JAG2: variants seen among roughly 807,000 people sequenced by gnomAD.
The protein encoded by JAG2 is protein jagged-2.
JAG2 carries 46 observed loss-of-function variants against 141.7 expected under a neutral mutation model. The ratio of observed to expected loss-of-function variants is 0.32; its 90% CI spans 0.26 to 0.42. The LOEUF is 0.42. Among genes scored for constraint, JAG2 ranks in the 10% least tolerant of loss-of-function variants. The probability of loss-of-function intolerance (pLI) is 1.00; values close to 1 mark genes in which losing one functional copy is unlikely to be tolerated. For missense variants in JAG2, 1,500 were observed against 1,817.5 expected (o/e 0.83, Z 3.18); for synonymous variants, 862 against 763.5 (o/e 1.13, Z -2.13).
Position 105,167,606 on chromosome 14 carries a change from A to T in JAG2, c.417+151T>A. 1 of 891,542 alleles carries T rather than the reference A, an allele frequency of 1.1e-6. No homozygotes were observed. The highest frequency in any genetic ancestry group is 1.4e-6 in the Non-Finnish European group (1 of 713,074). 55.2% of individuals were successfully genotyped at this position (891,542 alleles called of 1,614,324 possible). ...GTGGCCAGGCGCGGACCAAGTCCCCAGAGCACGCGCCCCCTGCCGGCCCCG... is the reference window on the plus strand; with the variant it reads ...GTGGCCAGGCGCGGACCAAGTCCCCTGAGCACGCGCCCCCTGCCGGCCCCG... On this transcript the variant is annotated intron_variant, in intron 2 of 25. Coordinates refer to ENST00000331782, the MANE Select transcript of JAG2 (RefSeq NM_002226.5). This position sits in a 1 kb window ranked among gnomAD's most constrained non-coding sequence, Gnocchi z 4.8.
At chr14:105,164,824 A>G (rs1490702361) in intron 2 of JAG2, among the ~76,000 whole-genome samples, 1 of 152,176 alleles carries the variant, frequency 6.6e-6, no homozygotes, top group African/African-American at 2.4e-5. Context: ...GAGACCTGCA[A>G]TGAAAAAGCG....
chr14:105,144,856 G>T, intron 24 of JAG2, 74 bp downstream of exon 24: 1 of 1,555,200 alleles, frequency 6.4e-7, no homozygotes, highest in Non-Finnish European at 8.7e-7. Flanking sequence ...CAGAGCCTCT[G>T]TCCAGCATAG....
intron 12 of JAG2, among the ~76,000 whole-genome samples, chr14:105,149,521 C>T (rs1888346211): frequency 6.6e-6 from 1 of 151,966 alleles, no homozygotes; most frequent in Non-Finnish European, 1.5e-5. Context: ...CCTGTGGGCC[C>T]CCACCCCCAC....
At position 105,155,476 on chromosome 14, in the gene JAG2, C is replaced by T. The variant is rs1310026830; in HGVS notation, c.788+86G>A. 1.0e-5 allele frequency: 15 copies of T among 1,495,540 alleles called. No homozygotes were observed. The South Asian group carries it at 1.0e-4, about 10-fold the overall frequency. The allele number at this position is 1,495,540 out of a possible 1,614,324, so 92.6% of individuals were successfully genotyped here. A position where few individuals can be genotyped will look rare whatever the true frequency, so the allele number is the denominator to read the frequency against. ...TGCCCAACCTCCAGCCAGCTCCGGG[C>T]GACTCCTGACAGCAAGGCTGTGTGT... On this transcript the variant is annotated intron_variant, in intron 5 of 25. Coordinates refer to ENST00000331782, the MANE Select transcript of JAG2 (RefSeq NM_002226.5).
chr14:105,168,430 G>A lies in JAG2; in HGVS notation c.-10C>T, dbSNP rs918497372. 10 of 862,460 alleles carry A rather than the reference G, an allele frequency of 1.2e-5. No homozygotes were observed. Among genetic ancestry groups the A allele is most frequent in the African/African-American group, 3.7e-5 (2 of 54,064 alleles). 53.4% of individuals were successfully genotyped at this position (862,460 alleles called of 1,614,324 possible). A position where few individuals can be genotyped will look rare whatever the true frequency, so the allele number is the denominator to read the frequency against. On this transcript the variant is annotated 5_prime_UTR_variant, in exon 1 of 26. Transcript: ENST00000331782. ...GGCCCTGCGCCCGCATTGCCCCCGC[G>A]ACCCGCCCGCCCGGCCCCGCCGCCG...
rs777506869 is a variant in JAG2, at chr14:105,142,985, C to T, written c.3427G>A (p.Gly1143Ser). 1.2e-6 allele frequency: 2 copies of T among 1,609,602 alleles called. No individual in the cohort carries two copies. Among genetic ancestry groups the T allele is most frequent in the African/African-American group, 1.3e-5 (1 of 75,034 alleles). The change falls in exon 26 of 26, where the codon GGC becomes AGC. Residue 1143 changes from glycine (G) to serine (S), a missense_variant. Transcript: ENST00000331782. The stretch of plus-strand genomic sequence containing the variant: ...CACTGGTAGAGCACGTCCTTGTGGC[C>T]CCCCGGCCGCTCAATGGGGTTGCGG... ...PIRNPIERPG[G>S]HKDVLYQCKN...
rs186073180 is a variant in JAG2, at chr14:105,167,178, G to A, written c.417+579C>T. On this transcript the variant is annotated intron_variant, in intron 2 of 25. Coordinates refer to ENST00000331782, the MANE Select transcript of JAG2 (RefSeq NM_002226.5). The surrounding 1 kb of genome is among the most constrained non-coding windows in gnomAD (Gnocchi z 4.8). ...CCACAAACAGGGCAGTGCCACAGAA[G>A]GTCACTGCACCAGGATCCACTATCT... Among the ~76,000 whole-genome samples, 1,154 of 152,322 alleles carry A rather than the reference G, an allele frequency of 7.6e-3. 14 individuals are homozygous for A. The highest frequency in any genetic ancestry group is 0.026 in the African/African-American group (1,066 of 41,578).
intron 1 of JAG2, 82 bp from the exon 2 acceptor site, chr14:105,168,189 C>T: frequency 1.2e-5 from 14 of 1,197,332 alleles, no homozygotes; most frequent in Non-Finnish European, 1.5e-5. Flanking sequence ...GGAACAGGCC[C>T]CGCCGCCCCG....
At chr14:105,148,711 C>T (rs1217829689) in intron 15 of JAG2, 34 bp downstream of exon 15, 1 of 1,515,264 alleles carries the variant, frequency 6.6e-7, no homozygotes. Context: ...GGGGTGGAGG[C>T]ACAGGCCGTG....
intron 3 of JAG2, among the ~76,000 whole-genome samples, chr14:105,157,073 A>C: frequency 6.6e-6 from 1 of 151,804 alleles, no homozygotes; most frequent in East Asian, 1.9e-4. Flanking sequence ...AGTCACCCTG[A>C]CACGCCCAGA....
Position 105,151,759 on chromosome 14 carries a change from G to A in JAG2, c.1040-20C>T. ...GCTCAGCTGTAGAACCGCGGGGAGG[G>A]GGCAGAGCTGGCAGCCAGGCCCCCA... On this transcript the variant is annotated intron_variant, in intron 7 of 25. Coordinates refer to ENST00000331782, the MANE Select transcript of JAG2 (RefSeq NM_002226.5). 1 of 1,603,302 alleles carries A rather than the reference G, an allele frequency of 6.2e-7. No individual in the cohort carries two copies. The highest frequency in any genetic ancestry group is 8.5e-7 in the Non-Finnish European group (1 of 1,174,302).
At chr14:105,163,437 A>T (rs1888816189) in intron 2 of JAG2, among the ~76,000 whole-genome samples, 3 of 152,096 alleles carry the variant, frequency 2.0e-5, no homozygotes, top group Admixed American at 2.0e-4. Flanking sequence ...CAGGTCCCCC[A>T]CCGTGAAGAC....
intron 17 of JAG2, 49 bp from the exon 18 acceptor site, chr14:105,147,937 C>T (rs1388792975): frequency 7.0e-6 from 10 of 1,428,240 alleles, no homozygotes; most frequent in Non-Finnish European, 9.6e-6. Flanking sequence ...CCTGGGCTGG[C>T]CCTGGGTCTC....
At chr14:105,143,724 CTG>C in intron 24 of JAG2, 86 bp from the exon 25 acceptor site, 1 of 1,537,350 alleles carries the variant, frequency 6.5e-7, no homozygotes. Context: ...CCTGGCCACA[CTG>C]GAGCAAGGTG....
intron 17 of JAG2, 109 bp downstream of exon 17, chr14:105,148,007 G>A: frequency 9.1e-7 from 1 of 1,098,004 alleles, no homozygotes; most frequent in Non-Finnish European, 1.3e-6. Flanking sequence ...GCAGGGGGCA[G>A]GTGGCAGGTG....
chr14:105,162,704 T>A (rs949239946), intron 2 of JAG2, among the ~76,000 whole-genome samples: 2 of 33,484 alleles, frequency 6.0e-5, no homozygotes, highest in Non-Finnish European at 1.3e-4. Context: ...AAGTACAGAG[T>A]ACCCTCCTGC....
At chr14:105,146,915 C>T (rs1888242136) in intron 20 of JAG2, 191 bp from the exon 21 acceptor site, 5 of 667,506 alleles carry the variant, frequency 7.5e-6, no homozygotes, top group Non-Finnish European at 1.4e-5. Context: ...CCTGGCCCAA[C>T]AGCACCCTCC....
chr14:105,148,585 T>C (rs988664264), intron 15 of JAG2, 146 bp from the exon 16 acceptor site: 9 of 868,534 alleles, frequency 1.0e-5, no homozygotes, highest in Non-Finnish European at 1.2e-5. Context: ...GCCTCGGGCA[T>C]GGGGGCAGCC....
Position 105,168,367 on chromosome 14 carries a change from C to A in JAG2, c.54G>T (p.Ala18=), listed in dbSNP as rs1383386548. 9 of 1,019,140 alleles carry A rather than the reference C, an allele frequency of 8.8e-6. No individual in the cohort carries two copies. Among genetic ancestry groups the A allele is most frequent in the African/African-American group, 5.3e-5 (3 of 57,062 alleles). 63.1% of individuals were successfully genotyped at this position (1,019,140 alleles called of 1,614,324 possible). A position where few individuals can be genotyped will look rare whatever the true frequency, so the allele number is the denominator to read the frequency against. Residue 18 remains alanine (A), a synonymous_variant, in exon 1 of 26, where the codon GCG becomes GCT. Coordinates refer to ENST00000331782, the MANE Select transcript of JAG2 (RefSeq NM_002226.5). ...RLPRRLLLLL[A]LWVQAARPMG... ...CCGCCCCGCTCACCTGCACCCAGAG[C>A]GCCAGCAGCAGCAGCAGCCGCCGGG... is the stretch of plus-strand genomic sequence containing the variant.
Sources: gnomAD v4.1 joint callset for allele counts (sites outside exome capture counted in the v4.1 genomes callset) on GRCh38, gnomAD v4.1.1 for gene constraint, Gnocchi (gnomAD v3.1) non-coding constraint, MANE v1.5 for transcripts, NCBI Gene and HGNC (gene_info 2026-07-23, HGNC 2026-07-21) for gene names.